PHACTR2: variants seen among roughly 807,000 people sequenced by gnomAD.
PHACTR2 encodes the protein chromosome 6 open reading frame 56.
Under a neutral mutation model 76.0 loss-of-function variants are expected in PHACTR2, and 30 were observed. The observed-to-expected ratio is 0.39, with a 90% confidence interval of 0.30 to 0.54. The LOEUF (loss-of-function observed/expected upper bound fraction) is 0.54, where lower values mean the gene tolerates loss of function less well. Among genes scored for constraint, PHACTR2 ranks in the 20% least tolerant of loss-of-function variants. PHACTR2 has a pLI of 0.61. For synonymous variants in PHACTR2, 292 were observed against 292.5 expected (o/e 1.00, Z 0.02); for missense variants, 696 against 781.1 (o/e 0.89, Z 1.30).
chr6:143,787,888 C>T lies in PHACTR2; in HGVS notation c.1708-885C>T, dbSNP rs34729227. On this transcript the variant is annotated intron_variant, in intron 10 of 12. Coordinates refer to ENST00000440869, the MANE Select transcript of PHACTR2 (RefSeq NM_001100164.2). The surrounding 1 kb of genome is among the most constrained non-coding windows in gnomAD (Gnocchi z 4.6). The stretch of plus-strand genomic sequence containing the variant: ...CTATGGCTACAATAGAGGTCTAAGT[C>T]TACCTCTCTGGAGATAACTGTGATA... Among the ~76,000 whole-genome samples, 40,421 of 152,088 alleles carry T rather than the reference C, an allele frequency of 0.27. 5,914 individuals carry two copies. The highest frequency in any genetic ancestry group is 0.34 in the South Asian group (1,651 of 4,816).
rs1266673535 is a variant in PHACTR2, at chr6:143,679,051, C to A, written c.46+842C>A. Among the ~76,000 whole-genome samples, 1 of 152,018 alleles carries A rather than the reference C, an allele frequency of 6.6e-6. No individual in the cohort carries two copies. The highest frequency in any genetic ancestry group is 1.5e-5 in the Non-Finnish European group (1 of 68,004). ...TCAACGATTAAAAATAAATAATACT[C>A]GAAGGGACCGTTTATGTTACTCATT... is the stretch of plus-strand genomic sequence containing the variant. On this transcript the variant is annotated intron_variant, in intron 1 of 12. Coordinates refer to ENST00000440869, the MANE Select transcript of PHACTR2 (RefSeq NM_001100164.2). This position sits in a 1 kb window ranked among gnomAD's most constrained non-coding sequence, Gnocchi z 4.6.
chr6:143,660,958 G>A (rs1200598905), intron 1 of PHACTR2, among the ~76,000 whole-genome samples: 1 of 152,108 alleles, frequency 6.6e-6, no homozygotes, highest in Non-Finnish European at 1.5e-5. Flanking sequence ...AATAGAAGAT[G>A]GGAAGAAAAA....
At position 143,755,057 on chromosome 6, in the gene PHACTR2, T is replaced by C. The variant is rs1162987321; in HGVS notation, c.454+1145T>C. ...TTAGCCTTTAAAAGTTTTAGAAGCC[T>C]GTGTAAATAATCTGTTGGAAATGTA... On this transcript the variant is annotated intron_variant, in intron 4 of 12. Coordinates refer to ENST00000440869, the MANE Select transcript of PHACTR2 (RefSeq NM_001100164.2). This position sits in a 1 kb window ranked among gnomAD's most constrained non-coding sequence, Gnocchi z 5.2. 6.6e-6 allele frequency among the ~76,000 whole-genome samples: 1 copy of C among 152,236 alleles called. No homozygotes were observed. Among genetic ancestry groups the C allele is most frequent in the Non-Finnish European group, 1.5e-5 (1 of 68,032 alleles).
intron 2 of PHACTR2, among the ~76,000 whole-genome samples, chr6:143,732,430 C>T (rs775336180): frequency 6.6e-5 from 10 of 152,306 alleles, no homozygotes; most frequent in Middle Eastern, 3.4e-3. Context: ...TTTCATTGGT[C>T]ATCTATGTTG....
chr6:143,677,319 GATTTA>G (rs571845532), upstream of PHACTR2, among the ~76,000 whole-genome samples: 9 of 152,220 alleles, frequency 5.9e-5, no homozygotes, highest in South Asian at 1.7e-3. Flanking sequence ...AGAAGATTGA[GATTTA>G]ACAGGATATT....
intron 1 of PHACTR2, among the ~76,000 whole-genome samples, chr6:143,636,291 T>C (rs1776452976): frequency 6.6e-6 from 1 of 152,146 alleles, no homozygotes. Context: ...TGAAAGGTTA[T>C]ATATATTTTA....
rs747167343 is a variant in PHACTR2 at position 143,757,960 on chromosome 6, C to CGT, written c.455-2440_455-2439insTG. Reference sequence around the variant, plus strand: ...CTGCGTGTGTGTGCATGCACACGTGCGCGCACACACACACACACACACACA... The same window carrying CGT: ...CTGCGTGTGTGTGCATGCACACGTGCGTGCGCACACACACACACACACACACA... On this transcript the variant is annotated intron_variant, in intron 4 of 12. Transcript: ENST00000440869. This position sits in a 1 kb window ranked among gnomAD's most constrained non-coding sequence, Gnocchi z 4.2. Among the ~76,000 whole-genome samples, 3 of 111,274 alleles carry CGT rather than the reference C, an allele frequency of 2.7e-5. No individual in the cohort carries two copies. Among genetic ancestry groups the CGT allele is most frequent in the Non-Finnish European group, 5.8e-5 (3 of 51,474 alleles). The allele number at this position is 111,274 out of a possible 152,430, so 73.0% of individuals were successfully genotyped here.
chr6:143,666,205 A>T (rs1356877018), intron 1 of PHACTR2, among the ~76,000 whole-genome samples: 1 of 152,188 alleles, frequency 6.6e-6, no homozygotes, highest in African/African-American at 2.4e-5. Flanking sequence ...AAGGACATGA[A>T]CTAATCCTTT....
chr6:143,632,518 A>G (rs1358533999), intron 1 of PHACTR2, among the ~76,000 whole-genome samples: 1 of 152,158 alleles, frequency 6.6e-6, no homozygotes, highest in African/African-American at 2.4e-5. Flanking sequence ...GTGTCAGGGG[A>G]TGTCTCCCCC....
rs918399296 is a variant in PHACTR2, at chr6:143,809,880, G to A, written c.1922+2747G>A. 1.3e-5 allele frequency among the ~76,000 whole-genome samples: 2 copies of A among 152,178 alleles called. No homozygotes were observed. Among genetic ancestry groups the A allele is most frequent in the African/African-American group, 4.8e-5 (2 of 41,432 alleles). The stretch of plus-strand genomic sequence containing the variant: ...TAATCCCGGCACTTGGGGAGGCCGA[G>A]GTGGGCAGATCTTTTGAGCTCAGGA... On this transcript the variant is annotated intron_variant, in intron 12 of 12. Transcript: ENST00000440869. This position sits in a 1 kb window ranked among gnomAD's most constrained non-coding sequence, Gnocchi z 4.2.
intron 12 of PHACTR2, among the ~76,000 whole-genome samples, chr6:143,810,988 T>C (rs9376792): frequency 0.39 from 59,361 of 152,086 alleles, 11,746 homozygotes; most frequent in South Asian, 0.48. Flanking sequence ...TTTTTAATGG[T>C]ATTTTGTTTA....
At chr6:143,727,297 T>A (rs1778593918) in intron 2 of PHACTR2, among the ~76,000 whole-genome samples, 1 of 152,250 alleles carries the variant, frequency 6.6e-6, no homozygotes, top group Admixed American at 6.5e-5. Context: ...ATTCTTTTTT[T>A]TTTATGGCCA....
At position 143,800,217 on chromosome 6, in the gene PHACTR2, T is replaced by C. The variant is rs1775920390; in HGVS notation, c.1846-6840T>C. Among the ~76,000 whole-genome samples the C allele has an allele frequency of 6.6e-6, 1 of 152,148 alleles. No individual in the cohort carries two copies. Among genetic ancestry groups the C allele is most frequent in the South Asian group, 2.1e-4 (1 of 4,824 alleles). ...AGGATTGCAACCTGTGCTATTTTTT[T>C]ACTTTCTATTTGCTTGGTAGGTCTT... On this transcript the variant is annotated intron_variant, in intron 11 of 12. Coordinates refer to ENST00000440869, the MANE Select transcript of PHACTR2 (RefSeq NM_001100164.2). The surrounding 1 kb of genome is among the most constrained non-coding windows in gnomAD (Gnocchi z 4.8).
rs1340718855 is a variant in PHACTR2, at chr6:143,751,548, A to G, written c.296-2206A>G. 1.3e-5 allele frequency among the ~76,000 whole-genome samples: 2 copies of G among 151,934 alleles called. No homozygotes were observed. The highest frequency in any genetic ancestry group is 2.9e-5 in the Non-Finnish European group (2 of 68,018). On this transcript the variant is annotated intron_variant, in intron 3 of 12. Coordinates refer to ENST00000440869, the MANE Select transcript of PHACTR2 (RefSeq NM_001100164.2). This position sits in a 1 kb window ranked among gnomAD's most constrained non-coding sequence, Gnocchi z 5.7. ...CTTTCTATCTGTCCCTCCTTTAACT[A>G]TGATATATCCCCAATACACCTGTTT...
In PHACTR2 at chr6:143,593,676, T is replaced by G. The variant is rs1162176861; in HGVS notation, c.217+56469T>G. Among the ~76,000 whole-genome samples, 3 of 152,348 alleles carry G rather than the reference T, an allele frequency of 2.0e-5. No individual in the cohort carries two copies. In the East Asian group the frequency reaches 5.8e-4, roughly 29 times the overall value. ...TATTCAGAGGTAGAAGATCTGTAAA[T>G]GTAGATCACTGAAATGTTTATAAGA... On this transcript the variant is annotated intron_variant, in intron 1 of 11. Transcript: ENST00000367584.
intron 4 of PHACTR2, among the ~76,000 whole-genome samples, chr6:143,759,440 GC>G (rs1353744334): frequency 6.6e-6 from 1 of 152,066 alleles, no homozygotes; most frequent in Non-Finnish European, 1.5e-5. Flanking sequence ...AATTGCTTGA[GC>G]CCAGGAGTTC....
In PHACTR2 at chr6:143,608,574, G is replaced by A. The variant is rs1409089635; in HGVS notation, c.13+252G>A. ...GAAGACTACTGCTATTTAGGCTGAA[G>A]CAAGTGTGGTGTTTGATTCTTTTGT... On this transcript the variant is annotated intron_variant, in intron 1 of 11. Transcript: ENST00000305766. This position sits in a 1 kb window ranked among gnomAD's most constrained non-coding sequence, Gnocchi z 4.6. Among the ~76,000 whole-genome samples the A allele has an allele frequency of 6.6e-6, 1 of 150,508 alleles. No homozygotes were observed. The highest frequency in any genetic ancestry group is 1.5e-5 in the Non-Finnish European group (1 of 67,752).
In PHACTR2 at chr6:143,633,311, G is replaced by T. The variant is rs1582720004; in HGVS notation, c.13+24989G>T. On this transcript the variant is annotated intron_variant, in intron 1 of 11. Transcript: ENST00000305766. This position sits in a 1 kb window ranked among gnomAD's most constrained non-coding sequence, Gnocchi z 4.1. ...CTGGATTTTGACCATTCTCAAAGAT[G>T]AGTAGTGGCATCTTGTTGCTTCAAT... Among the ~76,000 whole-genome samples, 1 of 152,202 alleles carries T rather than the reference G, an allele frequency of 6.6e-6. No homozygotes were observed. Among genetic ancestry groups the T allele is most frequent in the South Asian group, 2.1e-4 (1 of 4,834 alleles).
chr6:143,753,119 A>G lies in PHACTR2; in HGVS notation c.296-635A>G, dbSNP rs1319774230. Among the ~76,000 whole-genome samples the G allele has an allele frequency of 6.6e-6, 1 of 151,562 alleles. No homozygotes were observed. Among genetic ancestry groups the G allele is most frequent in the Non-Finnish European group, 1.5e-5 (1 of 67,890 alleles). Reference sequence around the variant, plus strand: ...AGGACAACTTAGGGACTTTTTGGCTAGTTATATATAATAATTACCTGAGTA... The same window carrying G: ...AGGACAACTTAGGGACTTTTTGGCTGGTTATATATAATAATTACCTGAGTA... On this transcript the variant is annotated intron_variant, in intron 3 of 12. Transcript: ENST00000440869. The surrounding 1 kb of genome is among the most constrained non-coding windows in gnomAD (Gnocchi z 4.6).
Sources: allele counts gnomAD v4.1 joint callset (sites outside exome capture counted in the v4.1 genomes callset), GRCh38; gene constraint gnomAD v4.1.1; non-coding constraint Gnocchi (gnomAD v3.1); transcripts MANE v1.5; gene names NCBI Gene and HGNC (gene_info 2026-07-23, HGNC 2026-07-21).